Variants in PLXNA4 observed in about 807,000 individuals in gnomAD.
PLXNA4 encodes plexin-A4.
Under a neutral mutation model 191.8 loss-of-function variants are expected in PLXNA4, and 44 were observed. That is an observed-to-expected ratio of 0.23 (90% confidence interval 0.18 to 0.29). PLXNA4 has a LOEUF of 0.29. Ranked by LOEUF, PLXNA4 falls within the 10% of genes least tolerant of loss-of-function variation. The pLI, the probability that PLXNA4 is intolerant of heterozygous loss-of-function variation, is 1.00. For synonymous variants in PLXNA4, 1,082 were observed against 1,009.5 expected, an observed-to-expected ratio of 1.07 and a Z score of -1.36; for missense variants, 1,800 against 2,488.8, an observed-to-expected ratio of 0.72 and a Z score of 5.89.
chr7:132,288,812 G>T (rs1377926579), intron 4 of PLXNA4, among the ~76,000 whole-genome samples: 1 of 152,206 alleles, frequency 6.6e-6, no homozygotes, highest in African/African-American at 2.4e-5. Context: ...ACCTTTGGCT[G>T]CAGACAGTAT....
intron 25 of PLXNA4, among the ~76,000 whole-genome samples, chr7:132,154,416 T>G (rs1262592084): frequency 5.9e-5 from 2 of 33,818 alleles, no homozygotes; most frequent in Admixed American, 4.2e-4. Context: ...ACGTTCTGTT[T>G]TTTTTTTTTT....
chr7:132,641,376 C>T (rs1803740101), intron 2 of PLXNA4, among the ~76,000 whole-genome samples: 1 of 152,306 alleles, frequency 6.6e-6, no homozygotes. Context: ...CTTCCTGCTG[C>T]ATCCTTACAT....
chr7:132,467,034 C>T (rs1374808337), intron 3 of PLXNA4, among the ~76,000 whole-genome samples: 2 of 152,158 alleles, frequency 1.3e-5, no homozygotes, highest in East Asian at 3.9e-4. Context: ...GCAGCCCGGT[C>T]AGGTAAACTG....
intron 2 of PLXNA4, among the ~76,000 whole-genome samples, chr7:132,626,883 C>G (rs751453618): frequency 1.2e-4 from 18 of 152,218 alleles, no homozygotes; most frequent in South Asian, 1.0e-3. Context: ...TGTGAGTGAG[C>G]CTGCATCACA....
chr7:132,189,001 A>AGG lies in PLXNA4; in HGVS notation c.2857-1395_2857-1394insCC, dbSNP rs1431776798. Among the ~76,000 whole-genome samples the AGG allele has an allele frequency of 8.8e-3, 505 of 57,352 alleles. 9 individuals carry two copies. Among genetic ancestry groups the AGG allele is most frequent in the African/African-American group, 0.028 (455 of 16,010 alleles). 37.6% of individuals were successfully genotyped at this position (57,352 alleles called of 152,430 possible). A position where few individuals can be genotyped will look rare whatever the true frequency, so the allele number is the denominator to read the frequency against. ...AAGGAAAGGAAAGGAAAGGAGAGAG[A>AGG]GAGAGAGAGAGAGAGAGAGAGAGAG... On this transcript the variant is annotated intron_variant, in intron 14 of 31. Coordinates refer to ENST00000321063, the MANE Select transcript of PLXNA4 (RefSeq NM_020911.2).
intron 1 of PLXNA4, among the ~76,000 whole-genome samples, chr7:132,518,991 T>C (rs1306894385): frequency 6.6e-6 from 1 of 152,194 alleles, no homozygotes; most frequent in Non-Finnish European, 1.5e-5. Context: ...AACTCTCCAT[T>C]ACCACGTGGA....
intron 25 of PLXNA4, among the ~76,000 whole-genome samples, chr7:132,148,887 C>A (rs140868405): frequency 6.3e-4 from 96 of 152,300 alleles, no homozygotes; most frequent in African/African-American, 2.1e-3. Flanking sequence ...ACTTATCCAC[C>A]CTTGCCCATC....
chr7:132,589,418 T>G (rs903552241), intron 2 of PLXNA4, among the ~76,000 whole-genome samples: 1 of 152,222 alleles, frequency 6.6e-6, no homozygotes, highest in Non-Finnish European at 1.5e-5. Context: ...TTTATATATG[T>G]TCTTCTAAGT....
At chr7:132,633,532 C>T (rs1017690937) in intron 2 of PLXNA4, among the ~76,000 whole-genome samples, 4 of 152,146 alleles carry the variant, frequency 2.6e-5, no homozygotes, top group South Asian at 2.1e-4. Context: ...CCACCTGCCT[C>T]GGCCTTCCAA....
intron 3 of PLXNA4, among the ~76,000 whole-genome samples, chr7:132,355,070 C>T (rs548085749): frequency 2.0e-5 from 3 of 152,316 alleles, no homozygotes; most frequent in East Asian, 1.9e-4. Context: ...CCAGATGCCC[C>T]CTCTTCCTGC....
At chr7:132,176,472 G>A (rs996293633) in intron 20 of PLXNA4, among the ~76,000 whole-genome samples, 2 of 152,250 alleles carry the variant, frequency 1.3e-5, no homozygotes. Flanking sequence ...ACATGTGCAT[G>A]AGCATAGGTG....
chr7:132,561,089 CTG>C lies in PLXNA4; in HGVS notation c.-87+15331_-87+15332del, dbSNP rs555353000. Among the ~76,000 whole-genome samples the C allele has an allele frequency of 2.6e-5, 4 of 152,158 alleles. No homozygotes were observed. In the South Asian group the frequency reaches 8.3e-4, roughly 32 times the overall value. On this transcript the variant is annotated intron_variant, in intron 1 of 31. Coordinates refer to ENST00000321063, the MANE Select transcript of PLXNA4 (RefSeq NM_020911.2). Reference sequence around the variant, plus strand: ...CCTTAGCTGGATACTGACACTGGTCCTGGTGCAGCCTCTGCCGTGTTGCCCCT... The same window carrying C: ...CCTTAGCTGGATACTGACACTGGTCCGTGCAGCCTCTGCCGTGTTGCCCCT...
At chr7:132,319,739 T>A (rs115977644) in intron 3 of PLXNA4, among the ~76,000 whole-genome samples, 4,388 of 152,352 alleles carry the variant, frequency 0.029, 73 homozygotes, top group Middle Eastern at 0.051. Flanking sequence ...CTCCCTGTCA[T>A]CCTAACCTTT....
At chr7:132,549,765 G>A (rs1341188141) in intron 1 of PLXNA4, among the ~76,000 whole-genome samples, 1 of 28,748 alleles carries the variant, frequency 3.5e-5, no homozygotes, top group Non-Finnish European at 9.6e-5. Flanking sequence ...TATTCCCTTG[G>A]GGTGAGTTGT....
chr7:132,359,233 T>A (rs1022368090), intron 3 of PLXNA4, among the ~76,000 whole-genome samples: 4 of 131,642 alleles, frequency 3.0e-5, no homozygotes, highest in East Asian at 2.3e-4. Context: ...TTTTTTTTTT[T>A]ATTCCTGAGA....
chr7:132,294,540 A>G (rs561883758), intron 4 of PLXNA4, among the ~76,000 whole-genome samples: 28 of 152,334 alleles, frequency 1.8e-4, no homozygotes, highest in African/African-American at 6.3e-4. Flanking sequence ...TGGAAAGACA[A>G]AGGTGGAAAC....
chr7:132,287,207 T>C (rs1800715374), intron 4 of PLXNA4, among the ~76,000 whole-genome samples: 2 of 152,184 alleles, frequency 1.3e-5, no homozygotes, highest in South Asian at 4.1e-4. Context: ...GCTAACTTTT[T>C]GTATTTTTAG....
intron 9 of PLXNA4, among the ~76,000 whole-genome samples, chr7:132,212,113 C>T (rs1028553280): frequency 5.3e-5 from 8 of 152,082 alleles, no homozygotes; most frequent in Non-Finnish European, 1.5e-5. Context: ...TCCCACCATC[C>T]CCCAGATTCC....
chr7:132,421,019 C>T lies in PLXNA4; in HGVS notation c.1371+68273G>A, dbSNP rs543367624. Reference sequence around the variant, plus strand: ...TATCAGCAGTGTGAAAATGGACTAACACAACTGCCATCCATCTTCAGAACT... The same window carrying T: ...TATCAGCAGTGTGAAAATGGACTAATACAACTGCCATCCATCTTCAGAACT... On this transcript the variant is annotated intron_variant, in intron 3 of 31. Transcript: ENST00000321063. 4.6e-5 allele frequency among the ~76,000 whole-genome samples: 7 copies of T among 152,324 alleles called. No individual in the cohort carries two copies. In the South Asian group the frequency reaches 1.5e-3, roughly 32 times the overall value.
Sources: allele counts gnomAD v4.1 joint callset (sites outside exome capture counted in the v4.1 genomes callset), GRCh38; gene constraint gnomAD v4.1.1; transcripts MANE v1.5; gene names NCBI Gene and HGNC (gene_info 2026-07-23, HGNC 2026-07-21).